SH3D19: variants seen among roughly 807,000 people sequenced by gnomAD.
SH3D19 encodes the protein SH3 domain containing 19.
SH3D19 carries 58 observed loss-of-function variants against 112.1 expected under a neutral mutation model. That is an observed-to-expected ratio of 0.52 (90% CI 0.42 to 0.64). The LOEUF (loss-of-function observed/expected upper bound fraction) is 0.64. Ranked by LOEUF, SH3D19 falls within the 30% of genes least tolerant of loss-of-function variation. The probability of loss-of-function intolerance (pLI) is 0.00; values close to 1 mark genes in which losing one functional copy is unlikely to be tolerated. For missense variants in SH3D19, 1,090 were observed against 1,263.4 expected (o/e 0.86, Z 2.08); for synonymous variants, 391 against 448.5 (o/e 0.87, Z 1.62).
Position 151,265,188 on chromosome 4 carries a change from T to C in SH3D19, c.113-39102A>G, listed in dbSNP as rs185059582. Among the ~76,000 whole-genome samples, 207 of 152,148 alleles carry C rather than the reference T, an allele frequency of 1.4e-3. 1 individual carries two copies. Among genetic ancestry groups the C allele is most frequent in the Non-Finnish European group, 2.0e-3 (137 of 68,002 alleles). Reference sequence around the variant, plus strand: ...AAATTATAAGCAGGATAAAGAATGATTACAATTTATTCTCAAAGGCATACT... The same window carrying C: ...AAATTATAAGCAGGATAAAGAATGACTACAATTTATTCTCAAAGGCATACT... On this transcript the variant is annotated intron_variant, in intron 1 of 19. Coordinates refer to ENST00000604030, the MANE Select transcript of SH3D19 (RefSeq NM_001378122.1).
chr4:151,290,248 G>C (rs1561435770), intron 1 of SH3D19, among the ~76,000 whole-genome samples: 2 of 152,168 alleles, frequency 1.3e-5, no homozygotes, highest in Non-Finnish European at 2.9e-5. Context: ...CTGGGCCATA[G>C]AAGCATTATT....
intron 1 of SH3D19, among the ~76,000 whole-genome samples, chr4:151,235,385 A>T (rs569182565): frequency 6.6e-6 from 1 of 152,358 alleles, no homozygotes; most frequent in Admixed American, 6.5e-5. Flanking sequence ...CTAATAACAG[A>T]TTGCTTTCAG....
intron 1 of SH3D19, among the ~76,000 whole-genome samples, chr4:151,231,344 C>T (rs1055176610): frequency 6.6e-6 from 1 of 151,910 alleles, no homozygotes; most frequent in Non-Finnish European, 1.5e-5. Context: ...GAGAAAACTG[C>T]AAATATATAT....
intron 1 of SH3D19, among the ~76,000 whole-genome samples, chr4:151,245,163 A>AAATAAT (rs1554061535): frequency 9.9e-5 from 15 of 151,366 alleles, no homozygotes; most frequent in African/African-American, 3.6e-4. Flanking sequence ...AAATAAAATA[A>AAATAAT]AATAATAATA....
chr4:151,173,707 ATGTT>A (rs2149823132), intron 7 of SH3D19, among the ~76,000 whole-genome samples: 1 of 152,222 alleles, frequency 6.6e-6, no homozygotes, highest in Admixed American at 6.6e-5. Flanking sequence ...AATAATGTGT[ATGTT>A]TGTTTTCATT....
rs1754257152 is a variant in SH3D19, at chr4:151,148,130, T to G, written c.1874A>C (p.Glu625Ala). 6.2e-7 allele frequency: 1 copy of G among 1,613,560 alleles called. No homozygotes were observed. Among genetic ancestry groups the G allele is most frequent in the South Asian group, 1.1e-5 (1 of 90,932 alleles). ...AGAAAGCTTTGGGGGAGGTGGTCTC[T>G]CAGGGGGCACCTTGGTTGGAGGCTG... ...TQQPPTKVPP[E>A]RPPPPKLSAT... The change falls in exon 11 of 20, where the codon GAG (glutamate) becomes GCG (alanine). Residue 625 changes from glutamate to alanine, a missense_variant. Transcript: ENST00000604030.
chr4:151,307,176 G>A (rs4696245), intron 1 of SH3D19, among the ~76,000 whole-genome samples: 22,827 of 151,336 alleles, frequency 0.15, 1,810 homozygotes, highest in South Asian at 0.28. Context: ...CCGCCACTAC[G>A]CCCGGCTAAT....
At chr4:151,161,468 T>C (rs1353213881) in intron 8 of SH3D19, among the ~76,000 whole-genome samples, 1 of 152,116 alleles carries the variant, frequency 6.6e-6, no homozygotes, top group Non-Finnish European at 1.5e-5. Context: ...CATTCTGTCA[T>C]TTCAGTTCTC....
At chr4:151,244,000 C>G (rs1456685929) in intron 1 of SH3D19, among the ~76,000 whole-genome samples, 1 of 152,108 alleles carries the variant, frequency 6.6e-6, no homozygotes, top group African/African-American at 2.4e-5. Context: ...ATTTCCAGAG[C>G]CTTATGTACA....
intron 3 of SH3D19, among the ~76,000 whole-genome samples, chr4:151,179,778 G>A (rs1311775538): frequency 2.6e-5 from 4 of 152,194 alleles, no homozygotes; most frequent in Non-Finnish European, 5.9e-5. Context: ...CAATCTATAT[G>A]ACTATGCTTT....
intron 2 of SH3D19, among the ~76,000 whole-genome samples, chr4:151,198,327 TAATATAAAA>T (rs1189447482): frequency 6.2e-5 from 5 of 81,206 alleles, no homozygotes; most frequent in Non-Finnish European, 1.8e-4. Context: ...AATATATATA[TAATATAAAA>T]ATATATATTA....
chr4:151,283,198 T>A (rs1372023402), intron 1 of SH3D19: 1 of 1,613,874 alleles, frequency 6.2e-7, no homozygotes, highest in Non-Finnish European at 8.5e-7. Flanking sequence ...TACAATCCCA[T>A]CGGTATCTTC....
chr4:151,315,839 T>C (rs1483592531), intron 1 of SH3D19, among the ~76,000 whole-genome samples: 1 of 152,198 alleles, frequency 6.6e-6, no homozygotes, highest in Non-Finnish European at 1.5e-5. Flanking sequence ...AGTATGTAGA[T>C]ACTTTACCCT....
intron 7 of SH3D19, 74 bp downstream of exon 7, chr4:151,174,596 C>G: frequency 7.1e-7 from 1 of 1,402,416 alleles, no homozygotes; most frequent in Non-Finnish European, 9.5e-7. Context: ...GTACCAGAAA[C>G]TAAAACAGCA....
intron 1 of SH3D19, among the ~76,000 whole-genome samples, chr4:151,303,571 G>T (rs918746648): frequency 6.6e-6 from 1 of 152,074 alleles, no homozygotes; most frequent in Non-Finnish European, 1.5e-5. Context: ...ACACACTCCA[G>T]GCCCTCCTCG....
At chr4:151,175,808 T>G (rs1759851773) in intron 6 of SH3D19, 134 bp from the exon 7 acceptor site, 3 of 821,454 alleles carry the variant, frequency 3.7e-6, no homozygotes, top group Non-Finnish European at 4.9e-6. Flanking sequence ...TTTCTTTTAA[T>G]TAGTAAAAAG....
chr4:151,136,961 A>C (rs912787390), intron 14 of SH3D19, among the ~76,000 whole-genome samples: 1 of 152,202 alleles, frequency 6.6e-6, no homozygotes, highest in Non-Finnish European at 1.5e-5. Context: ...CTTCCAAATA[A>C]GCTGTTAATG....
intron 7 of SH3D19, among the ~76,000 whole-genome samples, chr4:151,174,231 C>T (rs914502236): frequency 2.0e-5 from 3 of 152,184 alleles, no homozygotes; most frequent in Non-Finnish European, 4.4e-5. Flanking sequence ...CACTGCATGA[C>T]TTCCCATCTA....
At chr4:151,212,819 T>G (rs1194045573) in intron 2 of SH3D19, among the ~76,000 whole-genome samples, 1 of 152,228 alleles carries the variant, frequency 6.6e-6, no homozygotes, top group Non-Finnish European at 1.5e-5. Flanking sequence ...ATTCCTCTGA[T>G]GAACTGGGGC....
Sources: gnomAD v4.1 joint callset for allele counts (sites outside exome capture counted in the v4.1 genomes callset) on GRCh38, gnomAD v4.1.1 for gene constraint, MANE v1.5 for transcripts, NCBI Gene and HGNC (gene_info 2026-07-23, HGNC 2026-07-21) for gene names.